EYS: variants seen among roughly 807,000 people sequenced by gnomAD.
EYS encodes the protein EGF-like photoreceptor maintenance factor, also known as protein eyes shut homolog.
Under a neutral mutation model 282.1 loss-of-function variants are expected in EYS, and 250 were observed. The observed-to-expected ratio is 0.89, with a 90% confidence interval of 0.80 to 0.98. EYS has a LOEUF of 0.98. Ranked by LOEUF, EYS falls within the 50% of genes least tolerant of loss-of-function variation. EYS has a pLI of 0.00. For missense variants in EYS, 4,016 were observed against 3,709.0 expected, an observed-to-expected ratio of 1.08 and a Z score of -2.15; for synonymous variants, 1,355 against 1,282.9, an observed-to-expected ratio of 1.06 and a Z score of -1.20.
At chr6:65,343,002 G>A (rs529880593) in intron 10 of EYS, among the ~76,000 whole-genome samples, 59 of 151,172 alleles carry the variant, frequency 3.9e-4, no homozygotes, top group African/African-American at 1.4e-3. Context: ...AAGCTGTAAT[G>A]TAATCATCTA....
In EYS at chr6:63,884,511, A is replaced by G. The variant is rs150261803; in HGVS notation, c.7056-20153T>C. Reference sequence around the variant, plus strand: ...GGGTTGTGGTTACATGGTTTTGTACATATGTAAGAATTCATTGAGATTTGT... The same window carrying G: ...GGGTTGTGGTTACATGGTTTTGTACGTATGTAAGAATTCATTGAGATTTGT... On this transcript the variant is annotated intron_variant, in intron 35 of 42. Transcript: ENST00000503581. Among the ~76,000 whole-genome samples, 1,153 of 152,262 alleles carry G rather than the reference A, an allele frequency of 7.6e-3. 19 individuals carry two copies. The highest frequency in any genetic ancestry group is 0.026 in the African/African-American group (1,081 of 41,528).
chr6:64,369,145 AT>A (rs1302426663), intron 29 of EYS, among the ~76,000 whole-genome samples: 1 of 151,988 alleles, frequency 6.6e-6, no homozygotes, highest in African/African-American at 2.4e-5. Flanking sequence ...CATTTGTCAA[AT>A]AGTTATTCCA....
At chr6:64,145,787 C>T (rs894319178) in intron 31 of EYS, among the ~76,000 whole-genome samples, 1 of 148,006 alleles carries the variant, frequency 6.8e-6, no homozygotes, top group African/African-American at 2.4e-5. Context: ...GGAAGATCTG[C>T]TCCTCTTTAT....
intron 30 of EYS, 64 bp downstream of exon 30, chr6:64,306,906 A>T: frequency 1.3e-6 from 1 of 798,950 alleles, no homozygotes; most frequent in South Asian, 1.6e-5. Flanking sequence ...TTTCAATTGG[A>T]AATGATATCT....
intron 33 of EYS, among the ~76,000 whole-genome samples, chr6:64,044,008 C>G (rs1343167845): frequency 6.6e-6 from 1 of 152,174 alleles, no homozygotes; most frequent in African/African-American, 2.4e-5. Flanking sequence ...CCCTGCAACT[C>G]CTGGACCTGG....
At chr6:64,592,080 G>C in intron 25 of EYS, 91 bp from the exon 26 acceptor site, 1 of 800,192 alleles carries the variant, frequency 1.2e-6, no homozygotes, top group Non-Finnish European at 1.9e-6. Context: ...AAATTGCACT[G>C]GCACCTTACA....
chr6:64,154,213 G>A (rs1774837801), intron 31 of EYS, among the ~76,000 whole-genome samples: 2 of 152,156 alleles, frequency 1.3e-5, no homozygotes, highest in African/African-American at 4.8e-5. Context: ...TGCCAAGGCA[G>A]GCAGATCACA....
At chr6:64,883,756 A>T (rs1044681246) in intron 19 of EYS, among the ~76,000 whole-genome samples, 15 of 151,594 alleles carry the variant, frequency 9.9e-5, no homozygotes, top group Non-Finnish European at 1.6e-4. Flanking sequence ...CTTTTGCAAG[A>T]TAAAATGCAA....
intron 12 of EYS, among the ~76,000 whole-genome samples, chr6:65,112,553 A>T (rs897983386): frequency 6.6e-6 from 1 of 152,212 alleles, no homozygotes; most frequent in African/African-American, 2.4e-5. Context: ...TAGTGAAATA[A>T]ATGTGATTCA....
At chr6:64,142,058 A>G (rs1213832231) in intron 31 of EYS, among the ~76,000 whole-genome samples, 1 of 152,078 alleles carries the variant, frequency 6.6e-6, no homozygotes, top group African/African-American at 2.4e-5. Context: ...GGGAGGAAGG[A>G]GCAAAGCAGA....
rs1043615547 is a variant in EYS at position 64,583,795 on chromosome 6, C to CA, written c.5644+6427dup. Among the ~76,000 whole-genome samples the CA allele has an allele frequency of 5.5e-3, 783 of 142,756 alleles. 4 individuals are homozygous for CA. Among genetic ancestry groups the CA allele is most frequent in the Middle Eastern group, 0.036 (10 of 280 alleles). The allele number at this position is 142,756 out of a possible 152,430, so 93.7% of individuals were successfully genotyped here. ...GGGCAACAAGAATGAGATTCTGCCT[C>CA]AAAAAAAAAAATGTGATTAATTCCA... On this transcript the variant is annotated intron_variant, in intron 26 of 42. Coordinates refer to ENST00000503581, the MANE Select transcript of EYS (RefSeq NM_001142800.2).
chr6:64,098,323 AG>A (rs1269765147), intron 31 of EYS, among the ~76,000 whole-genome samples: 2 of 152,320 alleles, frequency 1.3e-5, no homozygotes, highest in Middle Eastern at 3.4e-3. Flanking sequence ...ACTATAGAGC[AG>A]GGAAATAACT....
chr6:65,327,860 A>G (rs1769667689), intron 11 of EYS, among the ~76,000 whole-genome samples: 1 of 151,554 alleles, frequency 6.6e-6, no homozygotes, highest in Non-Finnish European at 1.5e-5. Flanking sequence ...GTCATTTCCT[A>G]TTAGACACTC....
chr6:65,137,224 T>C (rs958720265), intron 12 of EYS, among the ~76,000 whole-genome samples: 2 of 152,040 alleles, frequency 1.3e-5, no homozygotes, highest in African/African-American at 4.8e-5. Flanking sequence ...AATAGAGAAA[T>C]TCACTCTAGT....
chr6:63,983,631 T>G (rs964875068), intron 35 of EYS, among the ~76,000 whole-genome samples: 2 of 151,834 alleles, frequency 1.3e-5, no homozygotes, highest in African/African-American at 4.8e-5. Context: ...AATTAAAATA[T>G]TTCCTGTGCA....
intron 30 of EYS, among the ~76,000 whole-genome samples, chr6:64,259,982 T>C (rs1767534397): frequency 1.3e-5 from 2 of 152,066 alleles, no homozygotes; most frequent in African/African-American, 2.4e-5. Flanking sequence ...TAACAGGAAT[T>C]CCTATATTTA....
chr6:64,086,546 G>A (rs1772164198), intron 31 of EYS, among the ~76,000 whole-genome samples: 1 of 152,038 alleles, frequency 6.6e-6, no homozygotes, highest in South Asian at 2.1e-4. Context: ...CTCTACTTGT[G>A]TTCATACTGT....
intron 34 of EYS, among the ~76,000 whole-genome samples, chr6:63,998,263 A>G (rs1183979612): frequency 5.3e-5 from 8 of 152,198 alleles, no homozygotes; most frequent in Admixed American, 5.2e-4. Flanking sequence ...GCAGATATTG[A>G]ATGAGATAAT....
chr6:64,997,634 T>C lies in EYS; in HGVS notation c.2207A>G (p.Asp736Gly). Residue 736 changes from aspartate to glycine, a missense_variant, in exon 14 of 43, where the codon GAC (aspartate) becomes GGC (glycine). Coordinates refer to ENST00000503581, the MANE Select transcript of EYS (RefSeq NM_001142800.2). The part of the protein sequence containing the change: ...VGIRCEQDID[D>G]CILNACEHNS... ...GTGCTCACAGGCATTCAGGATGCAG[T>C]CATCAATGTCCTGTTCACATCTTAT... is the stretch of plus-strand genomic sequence containing the variant. 1 of 1,551,260 alleles carries C rather than the reference T, an allele frequency of 6.4e-7. No homozygotes were observed. The highest frequency in any genetic ancestry group is 1.2e-5 in the South Asian group (1 of 84,054).
Sources: gnomAD v4.1 joint callset for allele counts (sites outside exome capture counted in the v4.1 genomes callset) on GRCh38, gnomAD v4.1.1 for gene constraint, MANE v1.5 for transcripts, NCBI Gene and HGNC (gene_info 2026-07-23, HGNC 2026-07-21) for gene names.